The following CERS3 variants were observed in gnomAD, a reference collection of about 807,000 sequenced individuals.
CERS3 encodes the protein ceramide synthase 3.
A neutral mutation model predicts 50.3 loss-of-function variants in CERS3; 33 were observed. The ratio of observed to expected loss-of-function variants is 0.66; its 90% CI spans 0.50 to 0.88. CERS3 has a LOEUF of 0.88. CERS3 is among the 40% of genes least tolerant of loss of function. CERS3 has a pLI of 0.00. For missense variants in CERS3, 470 were observed against 460.3 expected (o/e 1.02, Z -0.19); for synonymous variants, 176 against 155.2 (o/e 1.13, Z -0.99).
intron 11 of CERS3, among the ~76,000 whole-genome samples, chr15:100,452,898 G>A (rs1175910119): frequency 6.6e-6 from 1 of 152,008 alleles, no homozygotes; most frequent in East Asian, 1.9e-4. Context: ...AAAACCTAGA[G>A]GCAATGGTTA....
intron 11 of CERS3, among the ~76,000 whole-genome samples, chr15:100,413,517 CTATA>C (rs2031647816): frequency 6.1e-5 from 2 of 32,690 alleles, no homozygotes; most frequent in Admixed American, 2.9e-4. Flanking sequence ...GACGACTATA[CTATA>C]CTATACTATA....
At chr15:100,418,561 G>C (rs527471380) in intron 11 of CERS3, among the ~76,000 whole-genome samples, 1 of 145,070 alleles carries the variant, frequency 6.9e-6, no homozygotes, top group African/African-American at 2.6e-5. Context: ...CCAACGTTCA[G>C]ATTCAGGAAA....
intron 10 of CERS3, among the ~76,000 whole-genome samples, chr15:100,468,587 C>T (rs74761597): frequency 0.018 from 2,772 of 152,252 alleles, 75 homozygotes; most frequent in African/African-American, 0.06. Flanking sequence ...TTCAACAGCA[C>T]TAAGTCTTCT....
At chr15:100,404,935 T>G (rs2030871877) in intron 11 of CERS3, among the ~76,000 whole-genome samples, 1 of 152,230 alleles carries the variant, frequency 6.6e-6, no homozygotes, top group African/African-American at 2.4e-5. Flanking sequence ...AAGTAAACTT[T>G]GACTAAAATG....
At chr15:100,418,099 G>A (rs952219403) in intron 11 of CERS3, among the ~76,000 whole-genome samples, 8 of 151,986 alleles carry the variant, frequency 5.3e-5, no homozygotes, top group Non-Finnish European at 1.2e-4. Context: ...TTGACGAGCT[G>A]AGAGAAGAAG....
chr15:100,478,363 T>C (rs1053898493), intron 7 of CERS3, among the ~76,000 whole-genome samples: 12 of 152,218 alleles, frequency 7.9e-5, no homozygotes, highest in African/African-American at 2.9e-4. Context: ...AGCTAACAAG[T>C]TAGTTAGCCA....
intron 5 of CERS3, among the ~76,000 whole-genome samples, chr15:100,481,978 C>G (rs555147198): frequency 6.6e-6 from 1 of 152,182 alleles, no homozygotes; most frequent in African/African-American, 2.4e-5. Flanking sequence ...ACTGATGAAA[C>G]GTGCGCTTGT....
chr15:100,520,250 C>A (rs147861620), intron 2 of CERS3, among the ~76,000 whole-genome samples: 15 of 152,318 alleles, frequency 9.8e-5, no homozygotes, highest in African/African-American at 3.6e-4. Flanking sequence ...CCTAGCAGAG[C>A]AGGACATAAG....
chr15:100,529,144 T>A (rs762155148), upstream of CERS3: 1 of 152,250 alleles, frequency 6.6e-6, no homozygotes, highest in Non-Finnish European at 1.5e-5. Context: ...TCATCGTTGT[T>A]GCCTTTTGGT....
intron 1 of CERS3, among the ~76,000 whole-genome samples, chr15:100,542,825 G>A (rs1370281151): frequency 6.8e-6 from 1 of 147,624 alleles, no homozygotes; most frequent in Non-Finnish European, 1.5e-5. Flanking sequence ...ATATACACAT[G>A]TATATAACTG....
intron 1 of CERS3, among the ~76,000 whole-genome samples, chr15:100,528,564 T>C (rs367884463): frequency 6.6e-5 from 10 of 152,148 alleles, no homozygotes; most frequent in African/African-American, 2.4e-4. Flanking sequence ...TACCCTCTAC[T>C]ACTAAACACT....
Position 100,520,842 on chromosome 15 carries a change from C to G in CERS3, c.-2+825G>C, listed in dbSNP as rs1312140570. On this transcript the variant is annotated intron_variant, in intron 2 of 11. Coordinates refer to ENST00000679737, the MANE Select transcript of CERS3 (RefSeq NM_001378789.1). ...CAGCTGGTGCCGGGAGAGCATAGAC[C>G]TGGGATCAGGCATCCAGCAGCATGA... Among the ~76,000 whole-genome samples the G allele has an allele frequency of 2.0e-5, 3 of 152,108 alleles. No individual in the cohort carries two copies. The East Asian group carries it at 5.8e-4, about 29-fold the overall frequency.
At chr15:100,537,524 G>A (rs1349033820) in intron 1 of CERS3, among the ~76,000 whole-genome samples, 5 of 152,216 alleles carry the variant, frequency 3.3e-5, no homozygotes, top group Non-Finnish European at 7.3e-5. Context: ...GGCAAAAGGT[G>A]AAGAGGAAGC....
chr15:100,514,336 A>C (rs1197051556), intron 2 of CERS3, among the ~76,000 whole-genome samples: 1 of 152,238 alleles, frequency 6.6e-6, no homozygotes, highest in Non-Finnish European at 1.5e-5. Context: ...TTAAGTTAGA[A>C]GAAGTTATTT....
chr15:100,532,578 C>T (rs757512638), upstream of CERS3, among the ~76,000 whole-genome samples: 1 of 150,890 alleles, frequency 6.6e-6, no homozygotes, highest in African/African-American at 2.4e-5. Flanking sequence ...CCAGACTGGG[C>T]AAGATGGCAA....
chr15:100,431,972 T>A (rs1312316660), intron 11 of CERS3, among the ~76,000 whole-genome samples: 6 of 152,192 alleles, frequency 3.9e-5, no homozygotes, highest in African/African-American at 1.4e-4. Context: ...GGCTTAAGTA[T>A]AATTACAATC....
rs558646835 is a variant in CERS3, at chr15:100,438,132, C to T, written c.999+17761G>A. Among the ~76,000 whole-genome samples the T allele has an allele frequency of 2.8e-3, 415 of 150,464 alleles. 1 individual carries two copies. The highest frequency in any genetic ancestry group is 5.1e-3 in the Non-Finnish European group (347 of 67,800). ...TGATCTTGGCTCACTGCAACCTCCA[C>T]CTCTCTGGTTCAAGCAATTCTCCCA... On this transcript the variant is annotated intron_variant, in intron 11 of 11. Coordinates refer to ENST00000679737, the MANE Select transcript of CERS3 (RefSeq NM_001378789.1).
chr15:100,485,709 C>T (rs2035463314), intron 4 of CERS3, among the ~76,000 whole-genome samples: 1 of 151,884 alleles, frequency 6.6e-6, no homozygotes, highest in Non-Finnish European at 1.5e-5. Context: ...ACTAAAAATA[C>T]AAAAATTAGC....
intron 3 of CERS3, among the ~76,000 whole-genome samples, chr15:100,493,980 G>C (rs1048403868): frequency 6.6e-6 from 1 of 151,706 alleles, no homozygotes; most frequent in Non-Finnish European, 1.5e-5. Flanking sequence ...CCTCTAATAA[G>C]TCCACTATCT....
Sources: allele counts gnomAD v4.1 joint callset (sites outside exome capture counted in the v4.1 genomes callset), GRCh38; gene constraint gnomAD v4.1.1; transcripts MANE v1.5; gene names NCBI Gene and HGNC (gene_info 2026-07-23, HGNC 2026-07-21).